Variants in TBC1D8 observed in about 807,000 individuals in gnomAD.
The protein encoded by TBC1D8 is TBC1 domain family member 8, also known as BUB2-like protein 1.
Under a neutral mutation model 118.8 loss-of-function variants are expected in TBC1D8, and 65 were observed. That is an observed-to-expected ratio of 0.55 (90% confidence interval 0.45 to 0.67). The LOEUF is 0.67. Among genes scored for constraint, TBC1D8 ranks in the 30% least tolerant of loss-of-function variants. The pLI is 0.00. For missense variants in TBC1D8, 1,376 were observed against 1,471.2 expected, an observed-to-expected ratio of 0.94 and a Z score of 1.06; for synonymous variants, 566 against 595.8, an observed-to-expected ratio of 0.95 and a Z score of 0.73.
intron 1 of TBC1D8, among the ~76,000 whole-genome samples, chr2:101,146,955 T>C (rs2104288641): frequency 6.6e-6 from 1 of 152,320 alleles, no homozygotes; most frequent in East Asian, 1.9e-4. Flanking sequence ...GATCATGCAG[T>C]ATTTGTCTTT....
chr2:101,027,486 C>A, intron 14 of TBC1D8, 35 bp from the exon 15 acceptor site: 1 of 1,604,540 alleles, frequency 6.2e-7, no homozygotes, highest in Admixed American at 1.7e-5. Flanking sequence ...GGCGTGAAAT[C>A]TAGGCCTGCA....
intron 17 of TBC1D8, chr2:101,018,968 A>G (rs774060168): frequency 1.2e-5 from 20 of 1,608,388 alleles, no homozygotes; most frequent in Non-Finnish European, 1.6e-5. Flanking sequence ...CTGACATGGT[A>G]CCAAATCATC....
intron 2 of TBC1D8, among the ~76,000 whole-genome samples, chr2:101,089,567 G>A (rs1418912572): frequency 6.6e-6 from 1 of 152,164 alleles, no homozygotes; most frequent in Non-Finnish European, 1.5e-5. Context: ...AGAAGGAGAA[G>A]ATGAGCAGGT....
Position 101,090,297 on chromosome 2 carries a change from C to G in TBC1D8, c.195G>C (p.Leu65=), listed in dbSNP as rs1469991975. Residue 65 remains leucine (L), a synonymous_variant, in exon 2 of 20, where the codon CTG becomes CTC. Transcript: ENST00000409318. ...SNARVAPFRI[L]LQVPGSQVYS... is the part of the protein sequence containing the mutation. ...AAACCTGGGAGCCGGGAACTTGAAG[C>G]AGAATTCGAAATGGAGCGACCCGTG... 4 of 1,613,986 alleles carry G rather than the reference C, an allele frequency of 2.5e-6. No homozygotes were observed. Among genetic ancestry groups the G allele is most frequent in the African/African-American group, 2.7e-5 (2 of 75,026 alleles).
intron 9 of TBC1D8, among the ~76,000 whole-genome samples, chr2:101,034,378 C>T (rs970792887): frequency 6.6e-6 from 1 of 152,170 alleles, no homozygotes; most frequent in African/African-American, 2.4e-5. Context: ...TGACACCAAG[C>T]ACTGATGCGT....
At chr2:101,118,571 C>A (rs933327418) in intron 1 of TBC1D8, among the ~76,000 whole-genome samples, 2 of 151,944 alleles carry the variant, frequency 1.3e-5, no homozygotes, top group African/African-American at 4.8e-5. Context: ...GTGGCAGGCA[C>A]CTGTAGTCCC....
chr2:101,142,371 T>C (rs1195739839), intron 1 of TBC1D8, among the ~76,000 whole-genome samples: 2 of 152,142 alleles, frequency 1.3e-5, no homozygotes, highest in East Asian at 3.8e-4. Flanking sequence ...TGTTTGTTAC[T>C]GCAGCATAAC....
At chr2:101,123,716 T>C (rs1678226605) in intron 1 of TBC1D8, among the ~76,000 whole-genome samples, 3 of 151,682 alleles carry the variant, frequency 2.0e-5, no homozygotes, top group African/African-American at 7.3e-5. Context: ...AAGAGAGGAG[T>C]CAGTTGTTCG....
chr2:101,021,079 C>T (rs921565341), intron 17 of TBC1D8, among the ~76,000 whole-genome samples: 5 of 152,168 alleles, frequency 3.3e-5, no homozygotes, highest in African/African-American at 9.7e-5. Context: ...CCAGCCTCCC[C>T]AGGCACCATC....
intron 1 of TBC1D8, among the ~76,000 whole-genome samples, chr2:101,142,892 T>G (rs917650292): frequency 2.0e-5 from 3 of 152,070 alleles, no homozygotes; most frequent in African/African-American, 7.2e-5. Flanking sequence ...TTTTTTTACT[T>G]ACAGGTGGTA....
intron 1 of TBC1D8, among the ~76,000 whole-genome samples, chr2:101,118,995 C>T (rs1036180864): frequency 2.0e-5 from 3 of 152,088 alleles, no homozygotes; most frequent in Admixed American, 1.3e-4. Flanking sequence ...GGATGACAGA[C>T]TGAGACCCTG....
intron 17 of TBC1D8, among the ~76,000 whole-genome samples, chr2:101,014,194 A>G (rs973972278): frequency 1.3e-5 from 2 of 152,110 alleles, no homozygotes; most frequent in East Asian, 1.9e-4. Flanking sequence ...TAATTTCGCA[A>G]AAGTTTTTTT....
chr2:101,145,646 G>A (rs553905448), intron 1 of TBC1D8, among the ~76,000 whole-genome samples: 1 of 152,180 alleles, frequency 6.6e-6, no homozygotes, highest in African/African-American at 2.4e-5. Context: ...TCCTTAGCCT[G>A]TCAGTTTCAC....
chr2:101,148,553 T>C (rs1679415109), intron 1 of TBC1D8, among the ~76,000 whole-genome samples: 1 of 152,232 alleles, frequency 6.6e-6, no homozygotes, highest in African/African-American at 2.4e-5. Context: ...TGCATGTATG[T>C]AAGCAGGAGG....
intron 2 of TBC1D8, among the ~76,000 whole-genome samples, chr2:101,077,284 A>C: frequency 1.4e-5 from 1 of 74,056 alleles, no homozygotes; most frequent in East Asian, 3.6e-4. Flanking sequence ...CGGCCTCCCA[A>C]AGTGCCAGGC....
At chr2:101,020,997 G>A (rs985541580) in intron 17 of TBC1D8, among the ~76,000 whole-genome samples, 1 of 152,140 alleles carries the variant, frequency 6.6e-6, no homozygotes, top group African/African-American at 2.4e-5. Flanking sequence ...GGATAAAGGA[G>A]AATGTGTAAG....
Position 101,007,620 on chromosome 2 carries a change from C to A in TBC1D8, c.*201G>T. 1 of 602,164 alleles carries A rather than the reference C, an allele frequency of 1.7e-6. No homozygotes were observed. Among genetic ancestry groups the A allele is most frequent in the Non-Finnish European group, 2.9e-6 (1 of 344,672 alleles). 37.3% of individuals were successfully genotyped at this position (602,164 alleles called of 1,614,324 possible). ...TTGGCATCAAGGGAACCAATGGATA[C>A]CTTAGGGCACTGACAATTCTCAATA... On this transcript the variant is annotated 3_prime_UTR_variant, in exon 20 of 20. Transcript: ENST00000409318.
chr2:101,084,289 C>T (rs998475204), intron 2 of TBC1D8, among the ~76,000 whole-genome samples: 1 of 152,184 alleles, frequency 6.6e-6, no homozygotes, highest in South Asian at 2.1e-4. Flanking sequence ...TGGCTCATGC[C>T]TGTAATCCCA....
chr2:101,029,473 A>G lies in TBC1D8; in HGVS notation c.2222+18T>C. On this transcript the variant is annotated intron_variant, in intron 12 of 19. Coordinates refer to ENST00000409318, the MANE Select transcript of TBC1D8 (RefSeq NM_001330348.2). ...CTCCTCCATCTCTGGTTGGCCACAG[A>G]GGTGCAGCGGGGCCCACCTGCTGAG... 6.2e-7 allele frequency: 1 copy of G among 1,603,064 alleles called. No homozygotes were observed. The highest frequency in any genetic ancestry group is 8.5e-7 in the Non-Finnish European group (1 of 1,172,094).
Sources: gnomAD v4.1 joint callset for allele counts (sites outside exome capture counted in the v4.1 genomes callset) on GRCh38, gnomAD v4.1.1 for gene constraint, MANE v1.5 for transcripts, NCBI Gene and HGNC (gene_info 2026-07-23, HGNC 2026-07-21) for gene names.